The following KALRN variants were observed in gnomAD, a reference collection of about 807,000 sequenced individuals.
The protein encoded by KALRN is kalirin.
KALRN carries 70 observed loss-of-function variants against 353.7 expected under a neutral mutation model. The ratio of observed to expected loss-of-function variants is 0.20; its 90% CI spans 0.16 to 0.24. KALRN has a LOEUF of 0.24. Ranked by LOEUF, KALRN falls within the 10% of genes least tolerant of loss-of-function variation. The pLI is 1.00. For synonymous variants in KALRN, 1,391 were observed against 1,434.8 expected (o/e 0.97, Z 0.69); for missense variants, 2,791 against 3,756.7 (o/e 0.74, Z 6.72).
chr3:124,532,184 C>G (rs1428889663), intron 33 of KALRN, among the ~76,000 whole-genome samples: 2 of 152,172 alleles, frequency 1.3e-5, no homozygotes, highest in East Asian at 3.9e-4. Context: ...GAGTCACTGA[C>G]CAATGTTGCA....
intron 4 of KALRN, 111 bp downstream of exon 4, chr3:124,264,801 C>A: frequency 2.1e-6 from 2 of 957,200 alleles, no homozygotes; most frequent in Non-Finnish European, 3.2e-6. Context: ...ACCTCAAGGG[C>A]TGAGATTTCA....
chr3:124,344,204 A>G (rs573811269), intron 9 of KALRN, among the ~76,000 whole-genome samples: 1 of 152,344 alleles, frequency 6.6e-6, no homozygotes, highest in African/African-American at 2.4e-5. Flanking sequence ...TAGAAAGTCA[A>G]TTTATTCTTT....
chr3:124,056,957 A>G (rs1304185622), intron 1 of KALRN, among the ~76,000 whole-genome samples: 1 of 152,176 alleles, frequency 6.6e-6, no homozygotes, highest in African/African-American at 2.4e-5. Context: ...TTGAAAGGAG[A>G]AAAGTTTTGT....
intron 33 of KALRN, among the ~76,000 whole-genome samples, chr3:124,515,716 A>C (rs960043482): frequency 2.0e-5 from 3 of 152,246 alleles, no homozygotes; most frequent in Non-Finnish European, 4.4e-5. Context: ...CATTTCAAAA[A>C]AAAATTTAAT....
chr3:124,461,721 G>T (rs1190627175), intron 23 of KALRN, among the ~76,000 whole-genome samples, 169 bp from the exon 24 acceptor site: 1 of 152,112 alleles, frequency 6.6e-6, no homozygotes, highest in Non-Finnish European at 1.5e-5. Context: ...ATCATAGGAA[G>T]ATACTTGTAG....
At chr3:124,408,642 G>A (rs2091843084) in intron 13 of KALRN, among the ~76,000 whole-genome samples, 1 of 152,006 alleles carries the variant, frequency 6.6e-6, no homozygotes, top group African/African-American at 2.4e-5. Context: ...CTGATCTGAA[G>A]AAAGAACTAT....
chr3:124,657,881 C>T, intron 41 of KALRN, 78 bp downstream of exon 41: 2 of 1,056,112 alleles, frequency 1.9e-6, no homozygotes, highest in South Asian at 1.3e-5. Context: ...TGGCCAGGCA[C>T]AGTGGCTCAC....
intron 43 of KALRN, among the ~76,000 whole-genome samples, chr3:124,659,752 T>C (rs977153870): frequency 1.4e-4 from 21 of 151,984 alleles, no homozygotes; most frequent in African/African-American, 5.1e-4. Context: ...CTTGATACCT[T>C]TAAAAAATAA....
In KALRN at chr3:124,264,532, A is replaced by C; in HGVS notation, c.298A>C (p.Ile100Leu). ...DVCKRGFTVI[I>L]DMRGSKWDLI... ...GTGCAAACGTGGCTTCACTGTCATC[A>C]TCGACATGCGGGGCTCCAAGTGGGA... Residue 100 changes from isoleucine (I) to leucine (L), a missense_variant, in exon 4 of 60, where the codon ATC becomes CTC. Coordinates refer to ENST00000682506, the MANE Select transcript of KALRN (RefSeq NM_001388419.1). The C allele has an allele frequency of 6.2e-7, 1 of 1,614,006 alleles. No individual in the cohort carries two copies. Among genetic ancestry groups the C allele is most frequent in the Non-Finnish European group, 8.5e-7 (1 of 1,179,974 alleles).
chr3:124,036,170 A>G (rs951837910), intron 1 of KALRN, among the ~76,000 whole-genome samples: 11 of 152,152 alleles, frequency 7.2e-5, no homozygotes, highest in African/African-American at 2.2e-4. Flanking sequence ...CCTTGGTAAT[A>G]AGCATAGTAC....
chr3:124,156,587 C>T (rs1180004518), intron 1 of KALRN, among the ~76,000 whole-genome samples: 1 of 152,174 alleles, frequency 6.6e-6, no homozygotes, highest in East Asian at 1.9e-4. Context: ...TCCTATTAAC[C>T]AGCAAGACTC....
chr3:124,205,253 A>G (rs759481123), intron 1 of KALRN, among the ~76,000 whole-genome samples: 36 of 152,342 alleles, frequency 2.4e-4, no homozygotes, highest in Middle Eastern at 6.8e-3. Flanking sequence ...CCTGTTTAAC[A>G]ACGAGCTGGC....
At chr3:124,418,364 A>AC (rs2092616068) in intron 14 of KALRN, among the ~76,000 whole-genome samples, 2 of 152,024 alleles carry the variant, frequency 1.3e-5, no homozygotes, top group Non-Finnish European at 2.9e-5. Flanking sequence ...GTGGACCCAG[A>AC]TTTTTTTTAA....
intron 1 of KALRN, chr3:124,163,896 G>A: frequency 1.0e-6 from 1 of 985,458 alleles, no homozygotes; most frequent in Non-Finnish European, 1.2e-6. Flanking sequence ...TGTTGACTCA[G>A]TTGCAACATC....
chr3:124,354,512 A>G (rs1347863833), intron 10 of KALRN, among the ~76,000 whole-genome samples: 1 of 152,202 alleles, frequency 6.6e-6, no homozygotes, highest in Non-Finnish European at 1.5e-5. Context: ...GAGAAAATTA[A>G]CCCAGTGAAG....
chr3:124,161,251 G>A (rs2069897267), intron 1 of KALRN, among the ~76,000 whole-genome samples: 1 of 152,180 alleles, frequency 6.6e-6, no homozygotes, highest in Non-Finnish European at 1.5e-5. Context: ...TATTTACAGA[G>A]CAGTTATTAA....
intron 1 of KALRN, among the ~76,000 whole-genome samples, chr3:124,123,463 G>T (rs1369543281): frequency 6.6e-6 from 1 of 152,176 alleles, no homozygotes; most frequent in African/African-American, 2.4e-5. Context: ...GTGAGAGAGG[G>T]GAGGAAGCTG....
chr3:124,378,741 A>G (rs906971049), intron 10 of KALRN, among the ~76,000 whole-genome samples: 2 of 151,766 alleles, frequency 1.3e-5, no homozygotes, highest in Non-Finnish European at 1.5e-5. Context: ...ATGTTGCTCC[A>G]CTGTCTGCTT....
At chr3:124,689,598 T>C (rs1345630911) in intron 51 of KALRN, among the ~76,000 whole-genome samples, 1 of 152,112 alleles carries the variant, frequency 6.6e-6, no homozygotes, top group East Asian at 1.9e-4. Flanking sequence ...ACATTATATT[T>C]CAAGAAAAAT....
Sources: allele counts gnomAD v4.1 joint callset (sites outside exome capture counted in the v4.1 genomes callset), GRCh38; gene constraint gnomAD v4.1.1; transcripts MANE v1.5; gene names NCBI Gene and HGNC (gene_info 2026-07-23, HGNC 2026-07-21).